CSMD1: variants seen among roughly 807,000 people sequenced by gnomAD.
CSMD1 encodes the protein CUB and sushi domain-containing protein 1.
CSMD1 carries 213 observed loss-of-function variants against 417.5 expected under a neutral mutation model. The observed-to-expected ratio is 0.51, with a 90% confidence interval of 0.46 to 0.57. The LOEUF (loss-of-function observed/expected upper bound fraction) is 0.57, where lower values mean the gene tolerates loss of function less well. Ranked by LOEUF, CSMD1 falls within the 20% of genes least tolerant of loss-of-function variation. The pLI, the probability that CSMD1 is intolerant of heterozygous loss-of-function variation, is 0.00. For synonymous variants in CSMD1, 2,862 were observed against 1,736.8 expected, an observed-to-expected ratio of 1.65 and a Z score of -16.11; for missense variants, 6,923 against 4,529.7, an observed-to-expected ratio of 1.53 and a Z score of -15.17.
chr8:3,500,394 G>T (rs1024631560), intron 10 of CSMD1, among the ~76,000 whole-genome samples: 1 of 152,164 alleles, frequency 6.6e-6, no homozygotes, highest in East Asian at 1.9e-4. Flanking sequence ...GAAAAAAACA[G>T]TATGGAGCTT....
At chr8:4,437,496 A>G (rs1315249316) in intron 2 of CSMD1, among the ~76,000 whole-genome samples, 2 of 152,200 alleles carry the variant, frequency 1.3e-5, no homozygotes, top group South Asian at 2.1e-4. Context: ...CAAGATTTTT[A>G]TAACATAGCC....
intron 1 of CSMD1, among the ~76,000 whole-genome samples, chr8:4,709,409 T>C (rs978855141): frequency 3.3e-5 from 5 of 152,144 alleles, no homozygotes; most frequent in Admixed American, 3.3e-4. Context: ...ACATAAAGAC[T>C]CTTTTTACTT....
intron 3 of CSMD1, among the ~76,000 whole-genome samples, chr8:4,354,088 G>T (rs1174804779): frequency 6.6e-6 from 1 of 152,102 alleles, no homozygotes; most frequent in Non-Finnish European, 1.5e-5. Flanking sequence ...TGGCAATATT[G>T]CTTCCATATT....
At chr8:4,605,890 T>C (rs1314275015) in intron 2 of CSMD1, among the ~76,000 whole-genome samples, 1 of 152,074 alleles carries the variant, frequency 6.6e-6, no homozygotes, top group Non-Finnish European at 1.5e-5. Context: ...GTAGAGACAT[T>C]TGGAATGTTC....
intron 5 of CSMD1, 59 bp downstream of exon 5, chr8:3,997,844 G>C (rs1213612907): frequency 1.4e-6 from 2 of 1,420,896 alleles, no homozygotes; most frequent in East Asian, 2.4e-5. Flanking sequence ...AAGCTCGTTG[G>C]GGGAAAAAAC....
At chr8:3,666,820 G>A (rs143819784) in intron 7 of CSMD1, among the ~76,000 whole-genome samples, 2 of 152,126 alleles carry the variant, frequency 1.3e-5, no homozygotes, top group East Asian at 3.9e-4. Flanking sequence ...ATGTGGAACT[G>A]TGAGTCCATT....
intron 6 of CSMD1, 137 bp from the exon 7 acceptor site, chr8:3,708,628 T>A: frequency 1.4e-6 from 1 of 691,962 alleles, no homozygotes; most frequent in Non-Finnish European, 2.6e-6. Context: ...AGGTGAATGA[T>A]ACCAAGTCAA....
intron 10 of CSMD1, among the ~76,000 whole-genome samples, chr8:3,559,562 T>C (rs1799379415): frequency 6.6e-6 from 1 of 152,340 alleles, no homozygotes; most frequent in African/African-American, 2.4e-5. Context: ...AATTGGGTTT[T>C]TGTGTTTATA....
At chr8:3,410,827 C>T (rs1187574456) in intron 12 of CSMD1, among the ~76,000 whole-genome samples, 1 of 152,096 alleles carries the variant, frequency 6.6e-6, no homozygotes, top group Non-Finnish European at 1.5e-5. Context: ...CAACTTCCAA[C>T]TCTGGGGCTC....
At chr8:4,395,264 T>C (rs1025490339) in intron 3 of CSMD1, among the ~76,000 whole-genome samples, 4 of 152,202 alleles carry the variant, frequency 2.6e-5, no homozygotes, top group Non-Finnish European at 5.9e-5. Flanking sequence ...TCTCTCTTAC[T>C]CCAGAACTAC....
chr8:4,712,068 C>A (rs1357730420), intron 1 of CSMD1, among the ~76,000 whole-genome samples: 1 of 152,158 alleles, frequency 6.6e-6, no homozygotes, highest in East Asian at 1.9e-4. Context: ...AATGCATGTT[C>A]ACTGCCATGA....
At chr8:3,224,614 A>G (rs576108452) in intron 27 of CSMD1, among the ~76,000 whole-genome samples, 1 of 152,330 alleles carries the variant, frequency 6.6e-6, no homozygotes, top group South Asian at 2.1e-4. Flanking sequence ...TTTGATCACA[A>G]TGCTTGGTAT....
intron 2 of CSMD1, among the ~76,000 whole-genome samples, chr8:4,598,693 A>G (rs530641933): frequency 3.9e-5 from 6 of 152,346 alleles, no homozygotes; most frequent in East Asian, 1.9e-4. Flanking sequence ...CTCGTTGACA[A>G]TAAGCATTAA....
chr8:4,158,627 A>T (rs888096782), intron 3 of CSMD1, among the ~76,000 whole-genome samples: 7 of 152,084 alleles, frequency 4.6e-5, no homozygotes, highest in African/African-American at 1.7e-4. Context: ...GATAATTTTC[A>T]CAGTGGCGTT....
chr8:4,612,802 G>A (rs189883976), intron 2 of CSMD1, among the ~76,000 whole-genome samples: 2 of 152,160 alleles, frequency 1.3e-5, no homozygotes, highest in Admixed American at 6.5e-5. Flanking sequence ...ACCAGCCTCT[G>A]TCTCTTCCTG....
intron 2 of CSMD1, among the ~76,000 whole-genome samples, chr8:4,465,303 T>A (rs1351279874): frequency 6.6e-6 from 1 of 152,178 alleles, no homozygotes; most frequent in East Asian, 1.9e-4. Context: ...GACACTAGGA[T>A]GTCTTGGTGA....
chr8:4,015,300 C>A (rs920509440), intron 4 of CSMD1, among the ~76,000 whole-genome samples: 38 of 152,226 alleles, frequency 2.5e-4, no homozygotes, highest in Middle Eastern at 3.4e-3. Context: ...AATTTATAGG[C>A]ACCCATAAAA....
intron 5 of CSMD1, among the ~76,000 whole-genome samples, chr8:3,887,346 T>A (rs1806634789): frequency 6.6e-6 from 1 of 152,112 alleles, no homozygotes; most frequent in Non-Finnish European, 1.5e-5. Context: ...AGGATAGCAA[T>A]AAAAGCAAGA....
chr8:2,980,403 A>C (rs1198815083), intron 54 of CSMD1, among the ~76,000 whole-genome samples: 15 of 129,152 alleles, frequency 1.2e-4, no homozygotes, highest in South Asian at 2.5e-4. Flanking sequence ...CTCCTCCTCC[A>C]CCTCCTTGTC....
Sources: gnomAD v4.1 joint callset for allele counts (sites outside exome capture counted in the v4.1 genomes callset) on GRCh38, gnomAD v4.1.1 for gene constraint, MANE v1.5 for transcripts, NCBI Gene and HGNC (gene_info 2026-07-23, HGNC 2026-07-21) for gene names.